The following SPIRE1 variants were observed in gnomAD, a reference collection of about 807,000 sequenced individuals.
SPIRE1 encodes the protein protein spire homolog 1.
A neutral mutation model predicts 94.1 loss-of-function variants in SPIRE1; 40 were observed. The observed-to-expected ratio is 0.43, with a 90% CI of 0.33 to 0.55. SPIRE1 has a LOEUF of 0.55. SPIRE1 is among the 20% of genes least tolerant of loss of function. The pLI is 0.06. For missense variants in SPIRE1, 838 were observed against 975.2 expected, an observed-to-expected ratio of 0.86 and a Z score of 1.87; for synonymous variants, 376 against 371.7, an observed-to-expected ratio of 1.01 and a Z score of -0.13.
intron 12 of SPIRE1, among the ~76,000 whole-genome samples, chr18:12,457,367 A>C (rs2143545545): frequency 6.6e-6 from 1 of 152,358 alleles, no homozygotes; most frequent in East Asian, 1.9e-4. Context: ...TTAATTCGAC[A>C]TCTCCAAAGC....
rs869278182 is a variant in SPIRE1, at chr18:12,631,548, C to CAAAAAAAAAAA, written c.372+3503_372+3513dup. On this transcript the variant is annotated intron_variant, in intron 2 of 16. Coordinates refer to ENST00000409402, the MANE Select transcript of SPIRE1 (RefSeq NM_001128626.2). Reference sequence around the variant, plus strand: ...GCAACATAGCAAAACCCCATCTCTACAAAAAAAAAAAAAAAAAAAAAAAAA... The same window carrying CAAAAAAAAAAA: ...GCAACATAGCAAAACCCCATCTCTACAAAAAAAAAAAAAAAAAAAAAAAAAAAAAAAAAAAA... 8.0e-4 allele frequency among the ~76,000 whole-genome samples: 51 copies of CAAAAAAAAAAA among 63,774 alleles called. 2 individuals carry two copies. Among genetic ancestry groups the CAAAAAAAAAAA allele is most frequent in the African/African-American group, 9.0e-4 (13 of 14,520 alleles). 41.8% of individuals were successfully genotyped at this position (63,774 alleles called of 152,430 possible).
chr18:12,656,723 G>A (rs781090350), intron 1 of SPIRE1: 2 of 977,742 alleles, frequency 2.0e-6, no homozygotes, highest in Non-Finnish European at 2.4e-6. Flanking sequence ...TCTTCAATGA[G>A]CATCTGAGTA....
chr18:12,459,380 G>A (rs375592273), intron 12 of SPIRE1, among the ~76,000 whole-genome samples: 7 of 152,306 alleles, frequency 4.6e-5, no homozygotes, highest in East Asian at 3.9e-4. Context: ...CTCTGCTCAC[G>A]GAATGAGTGA....
intron 10 of SPIRE1, among the ~76,000 whole-genome samples, chr18:12,468,882 G>C (rs1353313366): frequency 1.3e-5 from 2 of 152,096 alleles, no homozygotes; most frequent in Non-Finnish European, 2.9e-5. Flanking sequence ...AACATGGTGA[G>C]AGTTTGTCTC....
chr18:12,473,308 C>CA (rs71172088), intron 10 of SPIRE1, among the ~76,000 whole-genome samples: 22,513 of 144,770 alleles, frequency 0.16, 1,841 homozygotes, highest in Middle Eastern at 0.23. Flanking sequence ...TCAGTTCTGG[C>CA]AAAAAAAAAA....
chr18:12,562,795 C>T (rs544133808), intron 2 of SPIRE1, among the ~76,000 whole-genome samples: 2 of 152,122 alleles, frequency 1.3e-5, no homozygotes, highest in African/African-American at 4.8e-5. Flanking sequence ...CAGGCATGAG[C>T]CACTACACAT....
chr18:12,477,243 G>A (rs781168324), intron 10 of SPIRE1, among the ~76,000 whole-genome samples: 6 of 152,226 alleles, frequency 3.9e-5, no homozygotes, highest in Non-Finnish European at 7.3e-5. Context: ...GTTCCTGGCA[G>A]CTGCAGATTG....
At chr18:12,558,667 G>A (rs1567933318) in intron 2 of SPIRE1, among the ~76,000 whole-genome samples, 2 of 152,180 alleles carry the variant, frequency 1.3e-5, no homozygotes, top group Admixed American at 1.3e-4. Flanking sequence ...GCTGACTGGT[G>A]CATTTACAAT....
chr18:12,606,503 A>G (rs1024664250), intron 2 of SPIRE1, among the ~76,000 whole-genome samples: 3 of 151,528 alleles, frequency 2.0e-5, no homozygotes, highest in African/African-American at 7.3e-5. Context: ...TCCTAAAACC[A>G]GTAAATTATT....
At chr18:12,533,612 A>G (rs529961390) in intron 4 of SPIRE1, among the ~76,000 whole-genome samples, 30 of 152,192 alleles carry the variant, frequency 2.0e-4, no homozygotes, top group Non-Finnish European at 3.1e-4. Context: ...ATAGTTTCTA[A>G]GAATGCCAGT....
intron 2 of SPIRE1, among the ~76,000 whole-genome samples, chr18:12,634,739 A>T (rs1378280327): frequency 1.3e-5 from 2 of 152,134 alleles, no homozygotes; most frequent in African/African-American, 2.4e-5. Flanking sequence ...GTTCAAGACC[A>T]GCCTGGCCAA....
intron 7 of SPIRE1, among the ~76,000 whole-genome samples, chr18:12,493,441 CTG>C (rs958312661): frequency 2.6e-5 from 4 of 152,308 alleles, no homozygotes; most frequent in Admixed American, 1.3e-4. Context: ...GGGTCTCACT[CTG>C]TTGCCCAGGC....
intron 3 of SPIRE1, among the ~76,000 whole-genome samples, chr18:12,540,441 T>C (rs925282072): frequency 2.6e-5 from 4 of 152,150 alleles, no homozygotes; most frequent in Non-Finnish European, 5.9e-5. Flanking sequence ...AGTGTTGCGA[T>C]CTTGGCTCAC....
At chr18:12,565,401 G>A (rs186180218) in intron 2 of SPIRE1, among the ~76,000 whole-genome samples, 2 of 152,042 alleles carry the variant, frequency 1.3e-5, no homozygotes, top group Non-Finnish European at 2.9e-5. Context: ...TTGGGAAGGA[G>A]CCTCGCTCTG....
intron 2 of SPIRE1, among the ~76,000 whole-genome samples, chr18:12,568,059 T>G (rs575113429): frequency 5.3e-5 from 8 of 152,318 alleles, no homozygotes; most frequent in Non-Finnish European, 1.0e-4. Flanking sequence ...TTACTTCCAT[T>G]GCATTAGGTT....
intron 1 of SPIRE1, among the ~76,000 whole-genome samples, chr18:12,637,458 C>T (rs542193798): frequency 1.4e-4 from 21 of 151,674 alleles, no homozygotes; most frequent in African/African-American, 2.4e-4. Context: ...TTTTGTAGTA[C>T]GTTTCTTGTT....
intron 12 of SPIRE1, among the ~76,000 whole-genome samples, chr18:12,461,592 T>C (rs2031861281): frequency 6.7e-6 from 1 of 149,286 alleles, no homozygotes; most frequent in African/African-American, 2.6e-5. Context: ...TGTATATACA[T>C]ACATACACAC....
chr18:12,640,489 A>G (rs77967044), intron 1 of SPIRE1, among the ~76,000 whole-genome samples: 21,155 of 152,198 alleles, frequency 0.14, 1,719 homozygotes, highest in African/African-American at 0.2. Flanking sequence ...CTGATGACAC[A>G]CTGTCGTAGT....
intron 2 of SPIRE1, among the ~76,000 whole-genome samples, chr18:12,617,660 T>G (rs2037350244): frequency 6.6e-6 from 1 of 152,044 alleles, no homozygotes; most frequent in Admixed American, 6.6e-5. Context: ...ATCCACCACC[T>G]CGGCCTCCCA....
Sources: gnomAD v4.1 joint callset for allele counts (sites outside exome capture counted in the v4.1 genomes callset) on GRCh38, gnomAD v4.1.1 for gene constraint, MANE v1.5 for transcripts, NCBI Gene and HGNC (gene_info 2026-07-23, HGNC 2026-07-21) for gene names.